Variants in FBP1 observed in about 807,000 individuals in gnomAD.
FBP1 encodes fructose-1,6-bisphosphatase 1.
FBP1 carries 22 observed loss-of-function variants against 29.9 expected under a neutral mutation model. The observed-to-expected ratio is 0.74, with a 90% CI of 0.53 to 1.05. The LOEUF (loss-of-function observed/expected upper bound fraction) is 1.05. Among genes scored for constraint, FBP1 ranks in the 50% least tolerant of loss-of-function variants. The pLI, the probability that FBP1 is intolerant of heterozygous loss-of-function variation, is 0.00. For missense variants in FBP1, 345 were observed against 448.2 expected (o/e 0.77, Z 2.08); for synonymous variants, 175 against 178.6 (o/e 0.98, Z 0.16).
Position 94,617,872 on chromosome 9 carries a change from A to T in FBP1, c.334-12T>A. 6.3e-7 allele frequency: 1 copy of T among 1,582,964 alleles called. No individual in the cohort carries two copies. The highest frequency in any genetic ancestry group is 2.2e-5 in the East Asian group (1 of 44,700). On this transcript the variant is annotated splice_polypyrimidine_tract_variant and intron_variant, in intron 2 of 6. Transcript: ENST00000375326. ...ACCACATATTTACCCTGAGCACAGA[A>T]AAAAGAAATACAACCTTAAAATGTT...
At chr9:94,623,456 G>A (rs530939720) in intron 1 of FBP1, among the ~76,000 whole-genome samples, 5 of 152,324 alleles carry the variant, frequency 3.3e-5, no homozygotes, top group South Asian at 2.1e-4. Context: ...GCCCCCACGC[G>A]GCTGTCAGAG....
intron 1 of FBP1, among the ~76,000 whole-genome samples, chr9:94,627,188 CAAA>C (rs764985242): frequency 1.2e-4 from 13 of 112,716 alleles, no homozygotes; most frequent in Admixed American, 2.9e-4. Context: ...AACTCCATCT[CAAA>C]AAAAAAAAAA....
chr9:94,603,380 C>A lies in FBP1; in HGVS notation c.*1G>T. On this transcript the variant is annotated 3_prime_UTR_variant, in exon 7 of 7. Coordinates refer to ENST00000375326, the MANE Select transcript of FBP1 (RefSeq NM_000507.4). ...TCTCCGGATGCAGGCAGGGCAGGTG[C>A]TCACTGGGCAGAGTGCTTCTCATAC... 6.2e-7 allele frequency: 1 copy of A among 1,612,982 alleles called. No individual in the cohort carries two copies. The highest frequency in any genetic ancestry group is 8.5e-7 in the Non-Finnish European group (1 of 1,179,512).
intron 3 of FBP1, among the ~76,000 whole-genome samples, chr9:94,613,837 G>C (rs1488504022): frequency 2.6e-5 from 4 of 151,754 alleles, no homozygotes; most frequent in Non-Finnish European, 5.9e-5. Context: ...TAGCACTTTG[G>C]GAGGCCGAGG....
At chr9:94,636,270 A>G (rs1387559706) in intron 1 of FBP1, among the ~76,000 whole-genome samples, 1 of 152,140 alleles carries the variant, frequency 6.6e-6, no homozygotes, top group Non-Finnish European at 1.5e-5. Context: ...GCTTGAGCCC[A>G]GGAATTTGAG....
chr9:94,605,482 G>C lies in FBP1; in HGVS notation c.800C>G (p.Ala267Gly), dbSNP rs1424721744. 1 of 1,613,938 alleles carries C rather than the reference G, an allele frequency of 6.2e-7. No homozygotes were observed. Among genetic ancestry groups the C allele is most frequent in the Admixed American group, 1.7e-5 (1 of 60,018 alleles). The stretch of plus-strand genomic sequence containing the variant: ...CTTTCCATTGGGGCTCTTCTTGTTA[G>C]CGGGGTACAGAAATATCCCTCCGTA... ...LVYGGIFLYP[A>G]NKKSPNGKLR... The change falls in exon 6 of 7, where the codon GCT (alanine) becomes GGT (glycine). Residue 267 changes from alanine (A) to glycine (G), a missense_variant. Coordinates refer to ENST00000375326, the MANE Select transcript of FBP1 (RefSeq NM_000507.4).
At chr9:94,638,567 C>T (rs1010262795) in intron 1 of FBP1, among the ~76,000 whole-genome samples, 2 of 151,270 alleles carry the variant, frequency 1.3e-5, no homozygotes, top group Non-Finnish European at 2.9e-5. Context: ...CTCCTTTGCA[C>T]ACAAGCCCTG....
At chr9:94,618,602 G>A (rs1249832032) in intron 2 of FBP1, among the ~76,000 whole-genome samples, 1 of 152,020 alleles carries the variant, frequency 6.6e-6, no homozygotes, top group Admixed American at 6.6e-5. Context: ...CCATGACTGT[G>A]CACTCCAGTC....
intron 1 of FBP1, among the ~76,000 whole-genome samples, chr9:94,623,770 G>T (rs139840686): frequency 2.0e-5 from 3 of 152,202 alleles, no homozygotes; most frequent in Non-Finnish European, 4.4e-5. Flanking sequence ...ACGGGGAACC[G>T]TTCTAGATGC....
intron 4 of FBP1, among the ~76,000 whole-genome samples, chr9:94,607,685 T>C (rs1306045022): frequency 6.6e-6 from 1 of 152,154 alleles, no homozygotes; most frequent in Non-Finnish European, 1.5e-5. Context: ...AGGATTGTTA[T>C]GGGTTCCTGT....
At chr9:94,640,205 CA>C (rs1435723652), upstream of FBP1, 1 of 152,194 alleles carries the variant, frequency 6.6e-6, no homozygotes, top group African/African-American at 2.4e-5. Flanking sequence ...ACACAAAGGC[CA>C]GAGGGCTCCA....
intron 1 of FBP1, among the ~76,000 whole-genome samples, chr9:94,624,920 G>A (rs552965880): frequency 6.6e-6 from 1 of 152,048 alleles, no homozygotes. Flanking sequence ...AGACCGGAGG[G>A]AGAAAGTCCT....
intron 1 of FBP1, among the ~76,000 whole-genome samples, chr9:94,633,357 T>G (rs765456115): frequency 6.6e-5 from 10 of 152,296 alleles, no homozygotes; most frequent in Non-Finnish European, 1.3e-4. Context: ...CTTCTCCAGA[T>G]TTGTCTCCAG....
intron 1 of FBP1, among the ~76,000 whole-genome samples, chr9:94,621,738 G>A (rs1827953433): frequency 1.3e-5 from 2 of 152,128 alleles, no homozygotes; most frequent in Non-Finnish European, 2.9e-5. Context: ...TGCCCAGAAA[G>A]AACCAGTGTT....
At chr9:94,614,966 T>G (rs1164877082) in intron 3 of FBP1, among the ~76,000 whole-genome samples, 1 of 152,162 alleles carries the variant, frequency 6.6e-6, no homozygotes, top group Non-Finnish European at 1.5e-5. Context: ...TGGAGTGCAG[T>G]GGTGCGATCT....
intron 3 of FBP1, among the ~76,000 whole-genome samples, chr9:94,612,555 T>C (rs867133924): frequency 0.032 from 4,442 of 139,870 alleles, 251 homozygotes; most frequent in African/African-American, 0.11. Context: ...CCCAATTTTT[T>C]TTTTTTTTTT....
intron 1 of FBP1, among the ~76,000 whole-genome samples, chr9:94,636,936 C>T (rs1167560392): frequency 1.3e-5 from 2 of 152,036 alleles, no homozygotes; most frequent in Non-Finnish European, 2.9e-5. Context: ...GTGATCTACC[C>T]GTCTCAGCCT....
Position 94,639,470 on chromosome 9 carries a change from C to G in FBP1, c.-160G>C, listed in dbSNP as rs997661473. ...GGGACCTGGCGGGAGGACTGACAGA[C>G]CGACTGCCGCCCCGAGTGTCCGCAG... is the stretch of plus-strand genomic sequence containing the variant. On this transcript the variant is annotated 5_prime_UTR_variant, in exon 1 of 7. Transcript: ENST00000375326. The G allele has an allele frequency of 2.6e-6, 2 of 780,004 alleles. No homozygotes were observed. Among genetic ancestry groups the G allele is most frequent in the African/African-American group, 3.4e-5 (2 of 58,614 alleles). 48.3% of individuals were successfully genotyped at this position (780,004 alleles called of 1,614,324 possible).
At chr9:94,611,589 C>T (rs968638249) in intron 3 of FBP1, among the ~76,000 whole-genome samples, 4 of 151,826 alleles carry the variant, frequency 2.6e-5, no homozygotes, top group Non-Finnish European at 5.9e-5. Flanking sequence ...CCCATCTCTA[C>T]GAAAAAAAAT....
Sources: allele counts gnomAD v4.1 joint callset (sites outside exome capture counted in the v4.1 genomes callset), GRCh38; gene constraint gnomAD v4.1.1; transcripts MANE v1.5; gene names NCBI Gene and HGNC (gene_info 2026-07-23, HGNC 2026-07-21).